Variants in DCTN4 observed in about 807,000 individuals in gnomAD.
DCTN4 encodes the protein dynactin 4 (p62).
A neutral mutation model predicts 62.7 loss-of-function variants in DCTN4; 23 were observed. That is an observed-to-expected ratio of 0.37 (90% CI 0.26 to 0.52). The LOEUF (loss-of-function observed/expected upper bound fraction) is 0.52, where lower values mean the gene tolerates loss of function less well. DCTN4 is among the 20% of genes least tolerant of loss of function. The pLI, the probability that DCTN4 is intolerant of heterozygous loss-of-function variation, is 0.92. For missense variants in DCTN4, 514 were observed against 580.4 expected (o/e 0.89, Z 1.18); for synonymous variants, 199 against 202.1 (o/e 0.98, Z 0.13).
intron 4 of DCTN4, 68 bp downstream of exon 4, chr5:150,742,046 C>T: frequency 7.2e-7 from 1 of 1,379,406 alleles, no homozygotes; most frequent in Non-Finnish European, 1.0e-6. Context: ...CCATAAAATG[C>T]AAGATCTTCA....
Position 150,742,589 on chromosome 5 carries a change from T to C in DCTN4, c.386-432A>G, listed in dbSNP as rs374052085. Among the ~76,000 whole-genome samples, 32 of 152,328 alleles carry C rather than the reference T, an allele frequency of 2.1e-4. No individual in the cohort carries two copies. The Middle Eastern group carries it at 0.02, about 97-fold the overall frequency. Reference sequence around the variant, plus strand: ...CTGTAACACTGTGCATTTTCTAAGTTCTATGACCTTGGCTTAGAGAAGAAT... The same window carrying C: ...CTGTAACACTGTGCATTTTCTAAGTCCTATGACCTTGGCTTAGAGAAGAAT... On this transcript the variant is annotated intron_variant, in intron 3 of 12. Coordinates refer to ENST00000447998, the MANE Select transcript of DCTN4 (RefSeq NM_016221.4).
intron 2 of DCTN4, chr5:150,755,599 A>T (rs1475212571): frequency 2.2e-6 from 1 of 456,194 alleles, no homozygotes; most frequent in South Asian, 1.5e-5. Context: ...GCAAATCCTA[A>T]TGAAATGACA....
chr5:150,722,154 C>A (rs954873275), intron 9 of DCTN4, among the ~76,000 whole-genome samples: 1 of 152,126 alleles, frequency 6.6e-6, no homozygotes, highest in Non-Finnish European at 1.5e-5. Flanking sequence ...ACCACTATTT[C>A]TTTTTGCTAA....
At chr5:150,732,317 T>C (rs1247827029) in intron 5 of DCTN4, among the ~76,000 whole-genome samples, 2 of 152,132 alleles carry the variant, frequency 1.3e-5, no homozygotes, top group African/African-American at 4.8e-5. Flanking sequence ...GCCCAGCTAA[T>C]TTTTTGTATT....
At chr5:150,719,102 G>C (rs940797961) in intron 10 of DCTN4, among the ~76,000 whole-genome samples, 1 of 152,208 alleles carries the variant, frequency 6.6e-6, no homozygotes, top group Admixed American at 6.5e-5. Context: ...TTACAGGTAT[G>C]AGCCACCGTG....
At chr5:150,731,975 G>A (rs1384774970) in intron 5 of DCTN4, 19 of 1,351,786 alleles carry the variant, frequency 1.4e-5, no homozygotes, top group East Asian at 2.5e-5. Flanking sequence ...AGAAGCAAAC[G>A]CATATAGCAG....
intron 3 of DCTN4, among the ~76,000 whole-genome samples, chr5:150,748,210 A>G (rs1405007495): frequency 2.0e-5 from 3 of 150,924 alleles, no homozygotes; most frequent in African/African-American, 2.4e-5. Flanking sequence ...TGGCCATCAG[A>G]GAAATGCAAA....
chr5:150,724,006 G>C (rs971304612), intron 8 of DCTN4, among the ~76,000 whole-genome samples: 1 of 152,092 alleles, frequency 6.6e-6, no homozygotes, highest in African/African-American at 2.4e-5. Context: ...GTAATGCAGC[G>C]ATGAGTGTTC....
In DCTN4 at chr5:150,756,616, G is replaced by C. The variant is rs150215663; in HGVS notation, c.136-129C>G. On this transcript the variant is annotated intron_variant, in intron 1 of 12. Coordinates refer to ENST00000447998, the MANE Select transcript of DCTN4 (RefSeq NM_016221.4). ...AGAAAGTAGACTGTTTTCTGCTTAGGGTTTATTCTTCTTCAGTCACCTGTT... is the reference window on the plus strand; with the variant it reads ...AGAAAGTAGACTGTTTTCTGCTTAGCGTTTATTCTTCTTCAGTCACCTGTT... The C allele has an allele frequency of 9.6e-5, 42 of 437,704 alleles. No individual in the cohort carries two copies. In the East Asian group the frequency reaches 1.6e-3, roughly 17 times the overall value. The allele number at this position is 437,704 out of a possible 1,614,324, so 27.1% of individuals were successfully genotyped here. A position where few individuals can be genotyped will look rare whatever the true frequency, so the allele number is the denominator to read the frequency against.
chr5:150,750,408 T>C (rs1752631167), intron 3 of DCTN4, among the ~76,000 whole-genome samples: 1 of 152,232 alleles, frequency 6.6e-6, no homozygotes, highest in South Asian at 2.1e-4. Flanking sequence ...TAAATCATTT[T>C]GGAGTGCTAA....
At chr5:150,718,151 G>A in intron 11 of DCTN4, 125 bp downstream of exon 11, 1 of 598,660 alleles carries the variant, frequency 1.7e-6, no homozygotes, top group South Asian at 2.4e-5. Flanking sequence ...AATTTAGGAG[G>A]TGGAATCAAA....
intron 2 of DCTN4, among the ~76,000 whole-genome samples, chr5:150,754,159 C>T (rs73278071): frequency 0.14 from 20,679 of 152,162 alleles, 2,407 homozygotes; most frequent in African/African-American, 0.31. Flanking sequence ...GCTTTCTGTT[C>T]TCTCCTTAAA....
At chr5:150,730,768 A>C (rs896319359) in intron 7 of DCTN4, 28 bp from the exon 8 acceptor site, 6 of 1,590,172 alleles carry the variant, frequency 3.8e-6, no homozygotes, top group Non-Finnish European at 5.2e-6. Flanking sequence ...AAACAGGCTT[A>C]GTTTACAGTG....
intron 8 of DCTN4, 65 bp downstream of exon 8, chr5:150,730,566 A>C (rs918559300): frequency 7.1e-7 from 1 of 1,413,946 alleles, no homozygotes; most frequent in Non-Finnish European, 1.0e-6. Flanking sequence ...TTAGTCAGAC[A>C]CCAGCCACAT....
At chr5:150,750,420 G>T (rs182758412) in intron 3 of DCTN4, among the ~76,000 whole-genome samples, 1 of 152,132 alleles carries the variant, frequency 6.6e-6, no homozygotes, top group Non-Finnish European at 1.5e-5. Context: ...GAGTGCTAAG[G>T]ATGTACACAA....
intron 8 of DCTN4, 50 bp from the exon 9 acceptor site, chr5:150,723,030 G>A: frequency 1.5e-6 from 2 of 1,371,722 alleles, no homozygotes; most frequent in Non-Finnish European, 2.1e-6. Context: ...AACACACTTT[G>A]TTGATCCATA....
rs1431938055 is a variant in DCTN4 at position 150,727,798 on chromosome 5, CAAA to C, written c.834+2830_834+2832del. 9.2e-4 allele frequency among the ~76,000 whole-genome samples: 82 copies of C among 88,850 alleles called. 1 individual carries two copies. Among genetic ancestry groups the C allele is most frequent in the African/African-American group, 5.0e-3 (76 of 15,308 alleles). 58.3% of individuals were successfully genotyped at this position (88,850 alleles called of 152,430 possible). A position where few individuals can be genotyped will look rare whatever the true frequency, so the allele number is the denominator to read the frequency against. ...CTCAAAAAAAAAAAAAAAAAAAAAA[CAAA>C]AAACCCAATAAGCTTCCTGATGATT... On this transcript the variant is annotated intron_variant, in intron 8 of 12. Coordinates refer to ENST00000447998, the MANE Select transcript of DCTN4 (RefSeq NM_016221.4).
intron 9 of DCTN4, 70 bp downstream of exon 9, chr5:150,722,837 T>C (rs1394910195): frequency 2.6e-5 from 31 of 1,171,764 alleles, no homozygotes; most frequent in Non-Finnish European, 3.6e-5. Context: ...ACACACTTCA[T>C]ACTGGGGAAG....
At chr5:150,737,862 T>G (rs768545197) in intron 4 of DCTN4, among the ~76,000 whole-genome samples, 1 of 151,918 alleles carries the variant, frequency 6.6e-6, no homozygotes, top group Non-Finnish European at 1.5e-5. Flanking sequence ...ACCAAATTGA[T>G]AGAATGTGAG....
Sources: gnomAD v4.1 joint callset for allele counts (sites outside exome capture counted in the v4.1 genomes callset) on GRCh38, gnomAD v4.1.1 for gene constraint, MANE v1.5 for transcripts, NCBI Gene and HGNC (gene_info 2026-07-23, HGNC 2026-07-21) for gene names.